KAZN: variants seen among roughly 807,000 people sequenced by gnomAD.
KAZN encodes kazrin, periplakin interacting protein, also known as kazrin.
A neutral mutation model predicts 87.4 loss-of-function variants in KAZN; 40 were observed. That is an observed-to-expected ratio of 0.46 (90% confidence interval 0.36 to 0.60). The LOEUF is 0.60. Ranked by LOEUF, KAZN falls within the 20% of genes least tolerant of loss-of-function variation. The pLI, the probability that KAZN is intolerant of heterozygous loss-of-function variation, is 0.00. For missense variants in KAZN, 898 were observed against 1,073.9 expected (o/e 0.84, Z 2.29); for synonymous variants, 466 against 458.3 (o/e 1.02, Z -0.22).
chr1:14,968,037 C>T (rs58147447), intron 2 of KAZN, among the ~76,000 whole-genome samples: 4 of 152,094 alleles, frequency 2.6e-5, no homozygotes, highest in Non-Finnish European at 5.9e-5. Context: ...GCATTACATG[C>T]ACTACATTTC....
chr1:14,091,538 T>C (rs144323397), intron 1 of KAZN, among the ~76,000 whole-genome samples: 249 of 152,346 alleles, frequency 1.6e-3, no homozygotes, highest in African/African-American at 5.7e-3. Context: ...TCTATTAATT[T>C]TATTTGCATA....
chr1:14,946,560 A>G (rs1661823668), intron 1 of KAZN, among the ~76,000 whole-genome samples: 1 of 152,068 alleles, frequency 6.6e-6, no homozygotes, highest in African/African-American at 2.4e-5. Context: ...GATGGTCTCA[A>G]TCTGGTTTAA....
intron 1 of KAZN, among the ~76,000 whole-genome samples, chr1:14,770,463 T>G (rs530730482): frequency 2.2e-4 from 33 of 152,182 alleles, no homozygotes; most frequent in Non-Finnish European, 4.1e-4. Flanking sequence ...GCAAGGGGGA[T>G]GGCTGTTTCG....
At chr1:14,928,380 C>T (rs1006423792) in intron 1 of KAZN, among the ~76,000 whole-genome samples, 3 of 151,146 alleles carry the variant, frequency 2.0e-5, no homozygotes, top group Non-Finnish European at 4.4e-5. Context: ...ACCTGGGAGG[C>T]GGAGCTTGCA....
At position 13,950,476 on chromosome 1, in the gene KAZN, A is replaced by G. The variant is rs114163710; in HGVS notation, c.91+56720A>G. ...CAGTGTACTGCCTGGCAAATAGTTC[A>G]TGTTCAAAATATTTTTTGAATGAGT... is the stretch of plus-strand genomic sequence containing the variant. On this transcript the variant is annotated intron_variant, in intron 1 of 16. Transcript: ENST00000636203. 2.7e-3 allele frequency among the ~76,000 whole-genome samples: 414 copies of G among 152,294 alleles called. 1 individual carries two copies. The highest frequency in any genetic ancestry group is 9.7e-3 in the African/African-American group (402 of 41,548).
chr1:14,815,986 G>A (rs1240283142), intron 1 of KAZN, among the ~76,000 whole-genome samples: 1 of 152,128 alleles, frequency 6.6e-6, no homozygotes. Flanking sequence ...AGTGCCCTTG[G>A]TGACATTTCT....
At chr1:14,232,512 G>A (rs1434988657) in intron 2 of KAZN, among the ~76,000 whole-genome samples, 1 of 152,118 alleles carries the variant, frequency 6.6e-6, no homozygotes, top group African/African-American at 2.4e-5. Context: ...GCTCTCCCTA[G>A]GGGCCGACAA....
chr1:13,914,900 C>A lies in KAZN; in HGVS notation c.91+21144C>A, dbSNP rs531941158. 7.9e-5 allele frequency among the ~76,000 whole-genome samples: 12 copies of A among 152,294 alleles called. No homozygotes were observed. In the East Asian group the frequency reaches 2.1e-3, roughly 27 times the overall value. On this transcript the variant is annotated intron_variant, in intron 1 of 16. Coordinates refer to the KAZN transcript ENST00000636203. ...CTTGGAAGCAAATTCTTTCTTAGAA[C>A]CTCCAGATGAGAATACATCCCAGCT...
chr1:13,918,898 TG>T (rs1639957954), intron 1 of KAZN, among the ~76,000 whole-genome samples: 1 of 152,206 alleles, frequency 6.6e-6, no homozygotes, highest in Non-Finnish European at 1.5e-5. Context: ...GTGGCATGAT[TG>T]TAGCTCACTG....
At chr1:14,242,547 G>A (rs960965984) in intron 2 of KAZN, among the ~76,000 whole-genome samples, 2 of 152,132 alleles carry the variant, frequency 1.3e-5, no homozygotes, top group African/African-American at 2.4e-5. Context: ...AAACAAAACA[G>A]ACAAAGTCCC....
chr1:14,030,837 A>G (rs1255255882), intron 1 of KAZN, among the ~76,000 whole-genome samples: 1 of 152,206 alleles, frequency 6.6e-6, no homozygotes, highest in Non-Finnish European at 1.5e-5. Context: ...TTTTACAAGT[A>G]TAAGGGGGAA....
At chr1:14,886,381 C>T (rs1326593380) in intron 1 of KAZN, among the ~76,000 whole-genome samples, 3 of 151,944 alleles carry the variant, frequency 2.0e-5, no homozygotes, top group Non-Finnish European at 2.9e-5. Context: ...TGTGATTGTG[C>T]CACTGTACTC....
intron 2 of KAZN, among the ~76,000 whole-genome samples, chr1:14,429,431 C>T (rs1242467486): frequency 6.6e-6 from 1 of 152,168 alleles, no homozygotes; most frequent in African/African-American, 2.4e-5. Context: ...ATTGAACTAG[C>T]TGTCGGACAC....
At chr1:15,029,364 G>C (rs929705670) in intron 2 of KAZN, among the ~76,000 whole-genome samples, 4 of 152,182 alleles carry the variant, frequency 2.6e-5, no homozygotes, top group Non-Finnish European at 5.9e-5. Flanking sequence ...GGGGAGAGCC[G>C]CAGGTCCCCT....
At chr1:14,483,909 T>C (rs928487342) in intron 2 of KAZN, among the ~76,000 whole-genome samples, 5 of 152,218 alleles carry the variant, frequency 3.3e-5, no homozygotes, top group African/African-American at 1.2e-4. Context: ...TTACATAAAG[T>C]CTTTAATCCA....
At chr1:14,991,347 G>A (rs1247264255) in intron 2 of KAZN, among the ~76,000 whole-genome samples, 2 of 150,872 alleles carry the variant, frequency 1.3e-5, no homozygotes, top group East Asian at 3.9e-4. Context: ...AAGAGACTCT[G>A]TGTCAAAAAA....
At chr1:14,910,457 G>A (rs201918176) in intron 1 of KAZN, among the ~76,000 whole-genome samples, 2 of 152,144 alleles carry the variant, frequency 1.3e-5, no homozygotes, top group Non-Finnish European at 2.9e-5. Context: ...ATTCTTTGCT[G>A]TAGGAGGTCA....
chr1:14,645,417 C>T (rs1680738591), intron 1 of KAZN, among the ~76,000 whole-genome samples: 1 of 152,184 alleles, frequency 6.6e-6, no homozygotes. Context: ...ATGATATTAA[C>T]TCTTCCTATC....
At chr1:14,489,289 A>G (rs1384770031) in intron 2 of KAZN, among the ~76,000 whole-genome samples, 7 of 152,160 alleles carry the variant, frequency 4.6e-5, no homozygotes, top group South Asian at 4.1e-4. Flanking sequence ...ACACATCTAT[A>G]TAAGTTCTGT....
Sources: allele counts gnomAD v4.1 joint callset (sites outside exome capture counted in the v4.1 genomes callset), GRCh38; gene constraint gnomAD v4.1.1; transcripts MANE v1.5; gene names NCBI Gene and HGNC (gene_info 2026-07-23, HGNC 2026-07-21).